The following RBFOX1 variants were observed in gnomAD, a reference collection of about 807,000 sequenced individuals.
The protein encoded by RBFOX1 is RNA binding fox-1 homolog 1.
RBFOX1 carries 8 observed loss-of-function variants against 57.7 expected under a neutral mutation model. That is an observed-to-expected ratio of 0.14 (90% CI 0.08 to 0.25). The LOEUF is 0.25. Ranked by LOEUF, RBFOX1 falls within the 10% of genes least tolerant of loss-of-function variation. RBFOX1 has a pLI of 1.00. For missense variants in RBFOX1, 611 were observed against 548.5 expected (o/e 1.11, Z -1.14); for synonymous variants, 326 against 222.4 (o/e 1.47, Z -4.15).
chr16:7,210,451 T>G lies in RBFOX1; in HGVS notation c.27+158353T>G, dbSNP rs184065129. On this transcript the variant is annotated intron_variant, in intron 4 of 15. Transcript: ENST00000550418. Reference sequence around the variant, plus strand: ...TTGCACTACACTCACCAAGATTTCTTAAGACAATCTACTTTACTTAAAGAC... The same window carrying G: ...TTGCACTACACTCACCAAGATTTCTGAAGACAATCTACTTTACTTAAAGAC... Among the ~76,000 whole-genome samples the G allele has an allele frequency of 4.6e-5, 7 of 152,054 alleles. No individual in the cohort carries two copies. The East Asian group carries it at 1.2e-3, about 25-fold the overall frequency.
intron 11 of RBFOX1, among the ~76,000 whole-genome samples, chr16:7,642,255 C>G (rs977656339): frequency 7.2e-5 from 11 of 152,120 alleles, no homozygotes; most frequent in African/African-American, 2.2e-4. Context: ...CAGATGATCC[C>G]TAGGCTCAGA....
intron 2 of RBFOX1, among the ~76,000 whole-genome samples, chr16:6,555,678 C>T (rs924742369): frequency 8.6e-5 from 13 of 151,594 alleles, no homozygotes; most frequent in Admixed American, 3.3e-4. Context: ...CCAGCCTGGG[C>T]GACAGAGCTA....
intron 3 of RBFOX1, among the ~76,000 whole-genome samples, chr16:5,813,391 A>C (rs987549047): frequency 3.9e-5 from 6 of 152,136 alleles, no homozygotes; most frequent in Non-Finnish European, 8.8e-5. Flanking sequence ...TTAAGCATTC[A>C]TACCCATTCC....
chr16:7,597,266 T>G (rs2094752722), intron 8 of RBFOX1, 105 bp from the exon 9 acceptor site: 1 of 753,294 alleles, frequency 1.3e-6, no homozygotes, highest in South Asian at 2.2e-5. Context: ...ATTTTACTTT[T>G]TAGTTTTCTT....
rs755542208 is a variant in RBFOX1, at chr16:7,178,296, T to C, written c.27+126198T>C. Among the ~76,000 whole-genome samples the C allele has an allele frequency of 1.1e-3, 165 of 152,332 alleles. 1 individual carries two copies. Among genetic ancestry groups the C allele is most frequent in the Non-Finnish European group, 1.9e-3 (132 of 68,034 alleles). Reference sequence around the variant, plus strand: ...TTTCTGCAACACACAGCCTTCTTGATTGACGTCACTGAGAAAAACCAAGAG... The same window carrying C: ...TTTCTGCAACACACAGCCTTCTTGACTGACGTCACTGAGAAAAACCAAGAG... On this transcript the variant is annotated intron_variant, in intron 4 of 15. Coordinates refer to ENST00000550418, the MANE Select transcript of RBFOX1 (RefSeq NM_018723.4).
intron 4 of RBFOX1, among the ~76,000 whole-genome samples, chr16:7,280,215 C>T (rs771384852): frequency 6.6e-6 from 1 of 152,196 alleles, no homozygotes; most frequent in East Asian, 1.9e-4. Context: ...CTCATCCATT[C>T]AGCCTTGCCT....
At chr16:6,133,087 C>T (rs1178694384) in intron 1 of RBFOX1, among the ~76,000 whole-genome samples, 1 of 149,854 alleles carries the variant, frequency 6.7e-6, no homozygotes. Flanking sequence ...AGTTATTCGT[C>T]TCCATGTCAT....
chr16:6,969,289 C>T (rs1190768379), intron 3 of RBFOX1, among the ~76,000 whole-genome samples: 1 of 152,142 alleles, frequency 6.6e-6, no homozygotes, highest in South Asian at 2.1e-4. Flanking sequence ...TAGGCAGTTA[C>T]TCAACGAATC....
At chr16:6,940,393 T>C (rs1249721794) in intron 3 of RBFOX1, among the ~76,000 whole-genome samples, 2 of 152,160 alleles carry the variant, frequency 1.3e-5, no homozygotes, top group Non-Finnish European at 2.9e-5. Flanking sequence ...TTCCAGGAAC[T>C]TAACAATTCA....
At chr16:5,273,345 T>C (rs1296379022) in intron 1 of RBFOX1, among the ~76,000 whole-genome samples, 1 of 152,156 alleles carries the variant, frequency 6.6e-6, no homozygotes, top group Non-Finnish European at 1.5e-5. Flanking sequence ...TGTCAGTCTT[T>C]AGTGCCTGCT....
At chr16:6,950,599 A>AAT (rs1455097565) in intron 3 of RBFOX1, among the ~76,000 whole-genome samples, 6 of 152,178 alleles carry the variant, frequency 3.9e-5, no homozygotes, top group African/African-American at 1.4e-4. Context: ...AAGATAATAC[A>AAT]ATATATATGC....
intron 4 of RBFOX1, among the ~76,000 whole-genome samples, chr16:7,110,638 G>C (rs1460997652): frequency 6.6e-6 from 1 of 152,128 alleles, no homozygotes; most frequent in Non-Finnish European, 1.5e-5. Context: ...ATTAACATGA[G>C]ACATGAAGAA....
intron 2 of RBFOX1, among the ~76,000 whole-genome samples, chr16:6,588,260 A>C (rs541571484): frequency 1.3e-4 from 19 of 151,852 alleles, no homozygotes; most frequent in African/African-American, 4.3e-4. Flanking sequence ...CAGTTTTGCT[A>C]TACAGCCACA....
chr16:7,688,388 A>T (rs2076583242), intron 14 of RBFOX1, among the ~76,000 whole-genome samples: 1 of 152,004 alleles, frequency 6.6e-6, no homozygotes, highest in African/African-American at 2.4e-5. Flanking sequence ...GAAGCCAAAT[A>T]ATGAGAAGTG....
intron 4 of RBFOX1, among the ~76,000 whole-genome samples, chr16:7,143,055 G>A (rs554381401): frequency 6.6e-6 from 1 of 152,136 alleles, no homozygotes; most frequent in Non-Finnish European, 1.5e-5. Flanking sequence ...TTGTTTATGT[G>A]TGCAGTGTCC....
At chr16:6,550,802 G>C (rs1032303056) in intron 2 of RBFOX1, among the ~76,000 whole-genome samples, 2 of 152,190 alleles carry the variant, frequency 1.3e-5, no homozygotes, top group African/African-American at 2.4e-5. Context: ...GTACTGTTTT[G>C]TGATTCTTGC....
intron 4 of RBFOX1, among the ~76,000 whole-genome samples, chr16:7,280,205 C>T (rs2095514382): frequency 6.6e-6 from 1 of 152,192 alleles, no homozygotes; most frequent in Non-Finnish European, 1.5e-5. Flanking sequence ...AGCTGTTTTC[C>T]TCATCCATTC....
chr16:7,335,114 T>C (rs1224302121), intron 4 of RBFOX1, among the ~76,000 whole-genome samples: 2 of 152,164 alleles, frequency 1.3e-5, no homozygotes, highest in African/African-American at 4.8e-5. Flanking sequence ...AGTGCAGTAA[T>C]ATTTGCAAGG....
intron 3 of RBFOX1, among the ~76,000 whole-genome samples, chr16:5,792,556 A>T (rs2054736520): frequency 6.6e-6 from 1 of 152,248 alleles, no homozygotes; most frequent in Non-Finnish European, 1.5e-5. Flanking sequence ...GAATATCATA[A>T]ATATGGCTGG....
Sources: gnomAD v4.1 joint callset for allele counts (sites outside exome capture counted in the v4.1 genomes callset) on GRCh38, gnomAD v4.1.1 for gene constraint, MANE v1.5 for transcripts, NCBI Gene and HGNC (gene_info 2026-07-23, HGNC 2026-07-21) for gene names.